RNASEH2A: variants seen among roughly 807,000 people sequenced by gnomAD.
RNASEH2A encodes the protein ribonuclease H2 subunit A.
Under a neutral mutation model 32.7 loss-of-function variants are expected in RNASEH2A, and 30 were observed. The observed-to-expected ratio is 0.92, with a 90% confidence interval of 0.69 to 1.25. RNASEH2A has a LOEUF of 1.25. Among genes scored for constraint, RNASEH2A ranks in the 50% most tolerant of loss-of-function variants. The pLI is 0.00. For missense variants in RNASEH2A, 409 were observed against 398.1 expected (o/e 1.03, Z -0.23); for synonymous variants, 147 against 165.4 (o/e 0.89, Z 0.86).
At chr19:12,812,877 C>T (rs920054446) in intron 6 of RNASEH2A, among the ~76,000 whole-genome samples, 5 of 150,618 alleles carry the variant, frequency 3.3e-5, no homozygotes, top group Non-Finnish European at 5.9e-5. Flanking sequence ...TGGTGGCATG[C>T]GCCTGTAGTC....
At position 12,806,755 on chromosome 19, in the gene RNASEH2A, C is replaced by G. The variant is rs1479571356; in HGVS notation, c.82C>G (p.Pro28Ala). The G allele has an allele frequency of 6.4e-6, 10 of 1,574,442 alleles. No individual in the cohort carries two copies. The highest frequency in any genetic ancestry group is 8.6e-6 in the Non-Finnish European group (10 of 1,159,904). ...TGTGCCCGCGGTGTGCCGCAAGGAG[C>G]CTTGCGTCCTGGGCGTCGATGAGGC... ...SPVPAVCRKE[P>A]CVLGVDEAGR... Residue 28 changes from proline (P) to alanine (A), a missense_variant, in exon 1 of 8, where the codon CCT becomes GCT. By Grantham distance (27) the Pro-to-Ala change is conservative. Coordinates refer to ENST00000221486, the MANE Select transcript of RNASEH2A (RefSeq NM_006397.3).
At chr19:12,806,879 A>G (rs1968999950) in intron 1 of RNASEH2A, 79 bp downstream of exon 1, 5 of 1,596,798 alleles carry the variant, frequency 3.1e-6, no homozygotes, top group East Asian at 4.5e-5. Context: ...CACTGCACCA[A>G]GGGAGGGGAT....
chr19:12,810,027 G>A (rs1178543153), intron 4 of RNASEH2A, 44 bp from the exon 5 acceptor site: 4 of 1,613,114 alleles, frequency 2.5e-6, no homozygotes, highest in Admixed American at 3.3e-5. Context: ...TAGAGCATTG[G>A]TACAGTTGTT....
At chr19:12,809,923 A>T (rs2145827391) in intron 4 of RNASEH2A, 148 bp from the exon 5 acceptor site, 1 of 1,033,346 alleles carries the variant, frequency 9.7e-7, no homozygotes, top group African/African-American at 1.6e-5. Context: ...CTAGGAGGAG[A>T]TGTTCGAGTT....
intron 4 of RNASEH2A, 189 bp downstream of exon 4, chr19:12,807,695 G>A: frequency 1.6e-6 from 1 of 634,908 alleles, no homozygotes; most frequent in Non-Finnish European, 2.9e-6. Flanking sequence ...ACTTTGGGAA[G>A]CCGCGGCGGG....
At chr19:12,809,929 G>C (rs55790045) in intron 4 of RNASEH2A, 142 bp from the exon 5 acceptor site, 3 of 1,095,102 alleles carry the variant, frequency 2.7e-6, no homozygotes, top group African/African-American at 3.1e-5. Flanking sequence ...GGAGATGTTC[G>C]AGTTGAAATC....
At chr19:12,806,929 G>C (rs1205592744) in intron 1 of RNASEH2A, 79 bp from the exon 2 acceptor site, 1 of 1,603,874 alleles carries the variant, frequency 6.2e-7, no homozygotes, top group Non-Finnish European at 8.5e-7. Context: ...AGTGATGATA[G>C]AACAGGGATG....
At chr19:12,809,474 C>T (rs1279469807) in intron 4 of RNASEH2A, among the ~76,000 whole-genome samples, 4 of 152,180 alleles carry the variant, frequency 2.6e-5, no homozygotes, top group Non-Finnish European at 5.9e-5. Flanking sequence ...TCCTCACCTC[C>T]TTCAAGCCTT....
Position 12,807,448 on chromosome 19 carries a change from A to G in RNASEH2A, c.353A>G (p.His118Arg). The change falls in exon 4 of 8, where the codon CAT becomes CGT. Residue 118 changes from histidine (H) to arginine (R), a missense_variant. His to Arg is a conservative substitution (Grantham distance 29, BLOSUM62 0). Transcript: ENST00000221486. ...AAATACAACCTGAACTCCCTGTCAC[A>G]TGATACAGCCACTGGGCTTATACAG... ...RVKYNLNSLSHDTATGLIQYA... is the reference protein window; with the variant it reads ...RVKYNLNSLSRDTATGLIQYA... 6.8e-6 allele frequency: 11 copies of G among 1,614,194 alleles called. No homozygotes were observed. Among genetic ancestry groups the G allele is most frequent in the Non-Finnish European group, 9.3e-6 (11 of 1,180,038 alleles).
At chr19:12,807,580 C>A in intron 4 of RNASEH2A, 74 bp downstream of exon 4, 1 of 1,226,510 alleles carries the variant, frequency 8.2e-7, no homozygotes, top group Non-Finnish European at 1.2e-6. Flanking sequence ...TTCGAGACTG[C>A]AGTGAGCCAT....
At chr19:12,811,924 A>G (rs923816193) in intron 6 of RNASEH2A, among the ~76,000 whole-genome samples, 4 of 149,790 alleles carry the variant, frequency 2.7e-5, no homozygotes, top group Admixed American at 6.7e-5. Flanking sequence ...TCAAAATAAT[A>G]ATAATAATAA....
chr19:12,806,964 G>A (rs1395909743), intron 1 of RNASEH2A, 44 bp from the exon 2 acceptor site: 2 of 1,610,702 alleles, frequency 1.2e-6, no homozygotes, highest in East Asian at 4.5e-5. Context: ...CGGGCTCAGT[G>A]ATTGGACCCC....
At chr19:12,809,198 C>A (rs1969038176) in intron 4 of RNASEH2A, among the ~76,000 whole-genome samples, 1 of 152,162 alleles carries the variant, frequency 6.6e-6, no homozygotes, top group Non-Finnish European at 1.5e-5. Flanking sequence ...CATGGTGAAA[C>A]CCCATCTCTA....
intron 4 of RNASEH2A, 121 bp from the exon 5 acceptor site, chr19:12,809,950 C>G: frequency 7.8e-7 from 1 of 1,283,036 alleles, no homozygotes; most frequent in South Asian, 1.2e-5. Flanking sequence ...CCTGATTGAT[C>G]CATCCTGGGG....
At chr19:12,807,784 T>A in intron 4 of RNASEH2A, 2 of 408,692 alleles carry the variant, frequency 4.9e-6, no homozygotes, top group South Asian at 4.2e-5. Flanking sequence ...ATACAAAAAT[T>A]AGCTGGACGT....
rs771802875 is a variant in RNASEH2A at position 12,813,361 on chromosome 19, C to G, written c.795C>G (p.Leu265=). The part of the protein sequence containing the change: ...EDSASENQEG[L]RKITSYFLNE... ...CAGCATCCGAGAATCAGGAGGGACT[C>G]AGGAAGATCACATCCTACTTCCTCA... Residue 265 remains leucine, a synonymous_variant, in exon 8 of 8, where the codon CTC becomes CTG. Transcript: ENST00000221486. 3 of 1,614,164 alleles carry G rather than the reference C, an allele frequency of 1.9e-6. No homozygotes were observed. The South Asian group carries it at 3.3e-5, about 18-fold the overall frequency.
intron 4 of RNASEH2A, among the ~76,000 whole-genome samples, chr19:12,809,105 TA>T (rs1261353739): frequency 6.6e-6 from 1 of 152,024 alleles, no homozygotes; most frequent in Non-Finnish European, 1.5e-5. Context: ...TTGGGCGCAG[TA>T]GCTCACGCCT....
intron 6 of RNASEH2A, 137 bp downstream of exon 6, chr19:12,810,541 A>G (rs564593300): frequency 7.8e-6 from 7 of 895,386 alleles, no homozygotes; most frequent in Non-Finnish European, 1.2e-5. Flanking sequence ...ATTTTTGTTT[A>G]TTTTTTGAGA....
At position 12,813,559 on chromosome 19, in the gene RNASEH2A, A is replaced by T; in HGVS notation, c.*93A>T. On this transcript the variant is annotated 3_prime_UTR_variant, in exon 8 of 8. Transcript: ENST00000221486. ...CGTAGGGGATGTACTTTTGGGACAG[A>T]AGCAAGGTGGGAGTGTGCTCTGCAG... 1 of 1,547,642 alleles carries T rather than the reference A, an allele frequency of 6.5e-7. No homozygotes were observed. The highest frequency in any genetic ancestry group is 8.8e-7 in the Non-Finnish European group (1 of 1,132,524).
Sources: gnomAD v4.1 joint callset for allele counts (sites outside exome capture counted in the v4.1 genomes callset) on GRCh38, gnomAD v4.1.1 for gene constraint, MANE v1.5 for transcripts, NCBI Gene and HGNC (gene_info 2026-07-23, HGNC 2026-07-21) for gene names.